The following LIMS1 variants were observed in gnomAD, a reference collection of about 807,000 sequenced individuals.
LIMS1 encodes LIM and senescent cell antigen-like-containing domain protein 1.
LIMS1 carries 18 observed loss-of-function variants against 44.1 expected under a neutral mutation model. The ratio of observed to expected loss-of-function variants is 0.41; its 90% confidence interval spans 0.28 to 0.61. The LOEUF is 0.61. Ranked by LOEUF, LIMS1 falls within the 20% of genes least tolerant of loss-of-function variation. The pLI is 0.32. For missense variants in LIMS1, 201 were observed against 422.0 expected (o/e 0.48, Z 4.59); for synonymous variants, 93 against 149.1 (o/e 0.62, Z 2.74).
At chr2:108,546,440 C>T (rs1028239494) in intron 1 of LIMS1, among the ~76,000 whole-genome samples, 5 of 151,924 alleles carry the variant, frequency 3.3e-5, no homozygotes, top group Non-Finnish European at 5.9e-5. Flanking sequence ...AGCCACGGTG[C>T]CTGGGCCGCC....
chr2:108,551,650 A>ATATATATGTATATATGTG (rs1558783940), intron 1 of LIMS1, among the ~76,000 whole-genome samples: 16 of 143,052 alleles, frequency 1.1e-4, no homozygotes, highest in South Asian at 4.3e-4. Context: ...ATATATGTGT[A>ATATATATGTATATATGTG]TATATATGTA....
chr2:108,661,991 T>C (rs1691409198), intron 2 of LIMS1, among the ~76,000 whole-genome samples: 1 of 152,206 alleles, frequency 6.6e-6, no homozygotes, highest in Non-Finnish European at 1.5e-5. Context: ...TCTAATACAA[T>C]ATTCTTTCCC....
chr2:108,656,318 T>TATCGATAG (rs1183151702), intron 1 of LIMS1, among the ~76,000 whole-genome samples: 5 of 84,254 alleles, frequency 5.9e-5, no homozygotes, highest in African/African-American at 1.7e-4. Flanking sequence ...TCTATCTATC[T>TATCGATAG]ATAGATAGAT....
chr2:108,636,421 AG>A (rs1214381722), intron 1 of LIMS1, among the ~76,000 whole-genome samples: 7 of 152,248 alleles, frequency 4.6e-5, no homozygotes, highest in African/African-American at 1.7e-4. Flanking sequence ...CATGCCCTGC[AG>A]GAGCTAGACA....
intron 1 of LIMS1, among the ~76,000 whole-genome samples, chr2:108,577,683 G>C (rs1223201587): frequency 1.3e-5 from 2 of 152,080 alleles, no homozygotes; most frequent in Non-Finnish European, 2.9e-5. Flanking sequence ...TAACAAACAT[G>C]AATCTATATT....
intron 1 of LIMS1, among the ~76,000 whole-genome samples, chr2:108,609,862 G>T (rs1414256618): frequency 6.6e-6 from 1 of 152,046 alleles, no homozygotes; most frequent in Non-Finnish European, 1.5e-5. Context: ...TATTTTATTG[G>T]CCGGGCGCGG....
At position 108,632,190 on chromosome 2, in the gene LIMS1, C is replaced by T. The variant is rs61392944; in HGVS notation, c.33-27415C>T. ...TTTCCCATTTTGGCCAGGCTGGTCT[C>T]GAACTCCTGACCTCAGGTGATCCAC... On this transcript the variant is annotated intron_variant, in intron 1 of 9. Transcript: ENST00000544547. 6.4e-4 allele frequency among the ~76,000 whole-genome samples: 97 copies of T among 152,238 alleles called. 1 individual carries two copies. Among genetic ancestry groups the T allele is most frequent in the African/African-American group, 2.1e-3 (86 of 41,542 alleles).
intron 1 of LIMS1, among the ~76,000 whole-genome samples, chr2:108,624,950 A>C (rs1688475988): frequency 6.6e-6 from 1 of 151,204 alleles, no homozygotes; most frequent in African/African-American, 2.4e-5. Context: ...GTGGTGGCGC[A>C]CACCTATGGT....
At chr2:108,625,426 G>A (rs1688505606) in intron 1 of LIMS1, among the ~76,000 whole-genome samples, 2 of 152,068 alleles carry the variant, frequency 1.3e-5, no homozygotes, top group Admixed American at 1.3e-4. Context: ...GCTGACCCCT[G>A]GTCTAGTGCT....
intron 1 of LIMS1, among the ~76,000 whole-genome samples, chr2:108,645,763 G>A (rs1690019106): frequency 6.7e-6 from 1 of 150,218 alleles, no homozygotes; most frequent in Non-Finnish European, 1.5e-5. Context: ...CACGTGGAGA[G>A]ACACACATAG....
At chr2:108,554,021 A>G (rs1046248915) in intron 1 of LIMS1, among the ~76,000 whole-genome samples, 2 of 152,170 alleles carry the variant, frequency 1.3e-5, no homozygotes, top group African/African-American at 4.8e-5. Flanking sequence ...TTGTTTACTC[A>G]CATAGTTGGT....
chr2:108,547,409 G>A (rs1165183290), intron 1 of LIMS1, among the ~76,000 whole-genome samples: 1 of 152,136 alleles, frequency 6.6e-6, no homozygotes, highest in Non-Finnish European at 1.5e-5. Context: ...GCTCCAAGAG[G>A]GTGGACACTC....
chr2:108,633,630 A>C (rs1157398722), intron 1 of LIMS1, among the ~76,000 whole-genome samples: 1 of 152,204 alleles, frequency 6.6e-6, no homozygotes, highest in African/African-American at 2.4e-5. Context: ...CTGCCATAAA[A>C]GAGATTGTTC....
At chr2:108,683,895 G>C in exon 10 of LIMS1, 1 of 1,561,448 alleles carries the variant, frequency 6.4e-7, no homozygotes, top group Non-Finnish European at 8.7e-7. Flanking sequence ...GAATAAGTTT[G>C]TGGAGTTTGA....
intron 1 of LIMS1, among the ~76,000 whole-genome samples, chr2:108,583,840 G>GC (rs767550412): frequency 3.3e-5 from 5 of 151,722 alleles, no homozygotes; most frequent in Non-Finnish European, 5.9e-5. Flanking sequence ...GACCACAGGC[G>GC]CCCACCACCA....
intron 1 of LIMS1, among the ~76,000 whole-genome samples, chr2:108,602,659 C>T (rs1029946910): frequency 1.3e-5 from 2 of 151,992 alleles, no homozygotes; most frequent in Non-Finnish European, 2.9e-5. Flanking sequence ...GGGATAAATC[C>T]CACTTGATTA....
intron 2 of LIMS1, chr2:108,662,395 C>G: frequency 1.9e-6 from 3 of 1,555,726 alleles, no homozygotes; most frequent in East Asian, 4.6e-5. Flanking sequence ...TCATCTCGTC[C>G]TGCCCACCCC....
At chr2:108,601,585 C>A (rs1687018970) in intron 1 of LIMS1, among the ~76,000 whole-genome samples, 1 of 152,240 alleles carries the variant, frequency 6.6e-6, no homozygotes, top group African/African-American at 2.4e-5. Flanking sequence ...AAGGGGCTCA[C>A]TCAACCTGTT....
chr2:108,572,380 C>CTTTTTTTTT (rs780841996), intron 1 of LIMS1, among the ~76,000 whole-genome samples: 1 of 112,754 alleles, frequency 8.9e-6, no homozygotes, highest in Non-Finnish European at 1.8e-5. Context: ...GGGACTCTTG[C>CTTTTTTTTT]TTTTTTTTTT....
Sources: gnomAD v4.1 joint callset for allele counts (sites outside exome capture counted in the v4.1 genomes callset) on GRCh38, gnomAD v4.1.1 for gene constraint, MANE v1.5 for transcripts, NCBI Gene and HGNC (gene_info 2026-07-23, HGNC 2026-07-21) for gene names.